The following FBN3 variants were observed in gnomAD, a reference collection of about 807,000 sequenced individuals.
The protein encoded by FBN3 is fibrillin 3, also known as fibrillin-3.
A neutral mutation model predicts 330.1 loss-of-function variants in FBN3; 234 were observed. The observed-to-expected ratio is 0.71, with a 90% CI of 0.64 to 0.79. The LOEUF is 0.79. Among genes scored for constraint, FBN3 ranks in the 30% least tolerant of loss-of-function variants. The pLI is 0.00. For missense variants in FBN3, 3,606 were observed against 3,886.9 expected, an observed-to-expected ratio of 0.93 and a Z score of 1.92; for synonymous variants, 1,458 against 1,517.3, an observed-to-expected ratio of 0.96 and a Z score of 0.91.
intron 48 of FBN3, among the ~76,000 whole-genome samples, chr19:8,090,588 A>G (rs1415382724): frequency 6.6e-6 from 1 of 151,064 alleles, no homozygotes; most frequent in East Asian, 2.0e-4. Context: ...GGTTCGAGTG[A>G]TTCTCCTGCC....
At chr19:8,146,026 G>A (rs2083535502) in intron 4 of FBN3, 88 bp from the exon 5 acceptor site, 2 of 1,485,780 alleles carry the variant, frequency 1.3e-6, no homozygotes, top group African/African-American at 1.4e-5. Flanking sequence ...GGCATGCTCA[G>A]CCCCGCTCCT....
rs201246064 is a variant in FBN3 at position 8,097,398 on chromosome 19, C to G, written c.5178G>C (p.Gly1726=). The change falls in exon 42 of 64, where the codon GGG becomes GGC. Residue 1726 remains glycine (G), a synonymous_variant. Transcript: ENST00000600128. The part of the protein sequence containing the change: ...TGKPLDIDEC[G]EIPAICANGI... ...CATTGGCACAGATGGCGGGGATCTCCCCACACTCATCAATGTCTGCAGAAG... is the reference window on the plus strand; with the variant it reads ...CATTGGCACAGATGGCGGGGATCTCGCCACACTCATCAATGTCTGCAGAAG... The G allele has an allele frequency of 1.3e-6, 2 of 1,597,434 alleles. No individual in the cohort carries two copies. Among genetic ancestry groups the G allele is most frequent in the East Asian group, 2.3e-5 (1 of 44,370 alleles).
At chr19:8,085,133 T>A (rs1380982956) in intron 56 of FBN3, among the ~76,000 whole-genome samples, 1 of 151,660 alleles carries the variant, frequency 6.6e-6, no homozygotes, top group African/African-American at 2.4e-5. Context: ...TACACACACA[T>A]TGGCTCACAC....
chr19:8,121,238 C>T lies in FBN3; in HGVS notation c.3211+20G>A, dbSNP rs1350026816. On this transcript the variant is annotated intron_variant, in intron 25 of 63. Coordinates refer to ENST00000600128, the MANE Select transcript of FBN3 (RefSeq NM_032447.5). This position sits in a 1 kb window ranked among gnomAD's most constrained non-coding sequence, Gnocchi z 4.5. ...CCCTGCCCAGGGCGCCCACCACACC[C>T]CTGCCCGGCAGTCACCGACCCATGC... 1 of 1,577,484 alleles carries T rather than the reference C, an allele frequency of 6.3e-7. No homozygotes were observed. Among genetic ancestry groups the T allele is most frequent in the Middle Eastern group, 1.7e-4 (1 of 5,904 alleles).
intron 56 of FBN3, among the ~76,000 whole-genome samples, chr19:8,084,852 T>TA: frequency 6.6e-6 from 1 of 151,856 alleles, no homozygotes; most frequent in Admixed American, 6.6e-5. Flanking sequence ...CCTCCCAAAG[T>TA]GCTGGGATTA....
At chr19:8,116,542 C>G in intron 29 of FBN3, 132 bp downstream of exon 29, 1 of 962,640 alleles carries the variant, frequency 1.0e-6, no homozygotes, top group Non-Finnish European at 1.6e-6. Flanking sequence ...AAAGCCTCAT[C>G]TTCCTACCTG....
chr19:8,081,520 A>G, intron 57 of FBN3, 40 bp from the exon 58 acceptor site: 1 of 1,557,490 alleles, frequency 6.4e-7, no homozygotes, highest in South Asian at 1.2e-5. Context: ...GGGGTTAGAC[A>G]GACATTCCCT....
At chr19:8,091,636 C>G (rs752334085) in intron 47 of FBN3, 46 bp from the exon 48 acceptor site, 1 of 1,606,124 alleles carries the variant, frequency 6.2e-7, no homozygotes, top group Non-Finnish European at 8.5e-7. Context: ...AGTAGGACCT[C>G]CATCAGTGGG....
chr19:8,133,103 T>G lies in FBN3; in HGVS notation c.1595A>C (p.His532Pro), dbSNP rs2083190160. The G allele has an allele frequency of 1.3e-6, 2 of 1,572,984 alleles. No individual in the cohort carries two copies. Among genetic ancestry groups the G allele is most frequent in the Non-Finnish European group, 1.7e-6 (2 of 1,160,298 alleles). The part of the protein sequence containing the change: ...LSPDGKNCVD[H>P]NECATSTMCV... ...CATGGTGCTGGTGGCACACTCGTTGTGGTCTGGGGACAACAGCAGAGGCTG... is the reference window on the plus strand; with the variant it reads ...CATGGTGCTGGTGGCACACTCGTTGGGGTCTGGGGACAACAGCAGAGGCTG... The change falls in exon 14 of 64, where the codon CAC becomes CCC. Residue 532 changes from histidine (H) to proline (P), a missense_variant. His to Pro is a moderately conservative substitution (Grantham distance 77). Transcript: ENST00000600128.
rs373487679 is a variant in FBN3 at position 8,112,122 on chromosome 19, G to A, written c.3839-23C>T. On this transcript the variant is annotated intron_variant, in intron 30 of 63. Transcript: ENST00000600128. ...CATCTAAAGGGAGAGGAGGCACGAC[G>A]CCAAGACCCAGTCACAGAAGGAAAG... 151 of 1,607,130 alleles carry A rather than the reference G, an allele frequency of 9.4e-5. No individual in the cohort carries two copies. The Admixed American group carries it at 1.9e-3, about 20-fold the overall frequency.
chr19:8,110,404 T>G (rs1415693054), intron 34 of FBN3, among the ~76,000 whole-genome samples: 1 of 152,084 alleles, frequency 6.6e-6, no homozygotes, highest in Non-Finnish European at 1.5e-5. Context: ...GTTAGCAAAT[T>G]CCAACCTGTA....
chr19:8,065,939 C>A lies in FBN3; in HGVS notation c.8410G>T (p.Val2804Leu). 6.3e-7 allele frequency: 1 copy of A among 1,592,004 alleles called. No homozygotes were observed. Reference protein sequence around the residue: ...GPWGQALRLKVQLQLL With the variant: ...GPWGQALRLKLQLQLL ...CCCAACTAAAGCAACTGCAGCTGCACCTTCAGCCTCAAGGCCTGGCCCCAT... is the reference window on the plus strand; with the variant it reads ...CCCAACTAAAGCAACTGCAGCTGCAACTTCAGCCTCAAGGCCTGGCCCCAT... Residue 2804 changes from valine (V) to leucine (L), a missense_variant, in exon 64 of 64, where the codon GTG (valine) becomes TTG (leucine). Coordinates refer to ENST00000600128, the MANE Select transcript of FBN3 (RefSeq NM_032447.5).
chr19:8,074,733 G>A (rs2081599782), intron 61 of FBN3: 1 of 252,806 alleles, frequency 4.0e-6, no homozygotes, highest in Non-Finnish European at 7.6e-6. Flanking sequence ...AGCATCCATA[G>A]CAGACATCAC....
In FBN3 at chr19:8,125,910, A is replaced by G. The variant is rs903831491; in HGVS notation, c.2713T>C (p.Ser905Pro). 6 of 1,612,876 alleles carry G rather than the reference A, an allele frequency of 3.7e-6. No homozygotes were observed. In the Admixed American group the frequency reaches 1.0e-4, roughly 27 times the overall value. The change falls in exon 22 of 64, where the codon TCA (serine) becomes CCA (proline). Residue 905 changes from serine to proline, a missense_variant. Physicochemically the swap from Ser to Pro is moderately conservative, Grantham distance 74 (BLOSUM62 -1). Transcript: ENST00000600128. ...ECPEGLMLDA[S>P]GRLCVDVRLE... is the part of the protein sequence containing the mutation. ...GACTCACCCACGCACAGCCGGCCTG[A>G]GGCGTCCAGCATCAGGCCCTCTGGA...
Position 8,111,147 on chromosome 19 carries a change from T to C in FBN3, c.4121A>G (p.Asp1374Gly), listed in dbSNP as rs2082572567. ...GGGCGCATTGAGGCACTGCCCGTTGTCACAGAGGTCCACGTTCTCGGCACA... is the reference window on the plus strand; with the variant it reads ...GGGCGCATTGAGGCACTGCCCGTTGCCACAGAGGTCCACGTTCTCGGCACA... Reference protein sequence around the residue: ...DECAENVDLCDNGQCLNAPGG... With the variant: ...DECAENVDLCGNGQCLNAPGG... Residue 1374 changes from aspartate (D) to glycine (G), a missense_variant, in exon 33 of 64, where the codon GAC becomes GGC. By Grantham distance (94) the Asp-to-Gly change is moderately conservative. Transcript: ENST00000600128. 2 of 1,612,102 alleles carry C rather than the reference T, an allele frequency of 1.2e-6. No individual in the cohort carries two copies. Among genetic ancestry groups the C allele is most frequent in the Non-Finnish European group, 1.7e-6 (2 of 1,178,920 alleles).
chr19:8,142,378 G>T lies in FBN3; in HGVS notation c.542-241C>A, dbSNP rs914160291. On this transcript the variant is annotated intron_variant, in intron 6 of 63. Coordinates refer to ENST00000600128, the MANE Select transcript of FBN3 (RefSeq NM_032447.5). ...ACTTCCAAGAGACCAGCACCTCCAA[G>T]CCAATAAAGCTCAGGGCCTGTGTGA... Among the ~76,000 whole-genome samples, 24 of 152,138 alleles carry T rather than the reference G, an allele frequency of 1.6e-4. 1 individual carries two copies. The highest frequency in any genetic ancestry group is 5.8e-4 in the African/African-American group (24 of 41,508).
chr19:8,122,676 CT>C (rs1270928514), intron 24 of FBN3, among the ~76,000 whole-genome samples: 8 of 141,252 alleles, frequency 5.7e-5, no homozygotes, highest in East Asian at 4.2e-4. Context: ...CCAGCGCCCC[CT>C]TTTTTTTTTG....
Position 8,146,155 on chromosome 19 carries a change from C to G in FBN3, c.321G>C (p.Thr107=). 3.1e-6 allele frequency: 5 copies of G among 1,601,078 alleles called. No homozygotes were observed. The highest frequency in any genetic ancestry group is 4.3e-6 in the Non-Finnish European group (5 of 1,175,186). ...GGCTCACCCCGCAGCTGGGAGCCAG[C>G]GTCCCATCCGCACAGGTGCACAGGT... The part of the protein sequence containing the change: ...QPNLCTCADG[T]LAPSCGVSRG... The change falls in exon 4 of 64, where the codon ACG becomes ACC. Residue 107 remains threonine, a synonymous_variant. Transcript: ENST00000600128.
Position 8,096,945 on chromosome 19 carries a change from G to T in FBN3, c.5349C>A (p.Ile1783=). 1 of 1,613,808 alleles carries T rather than the reference G, an allele frequency of 6.2e-7. No homozygotes were observed. The highest frequency in any genetic ancestry group is 8.5e-7 in the Non-Finnish European group (1 of 1,180,012). ...PCQQNADCIN[I]PGSYRCKCTR... ...TGCACTTGCAGCGGTAGCTACCGGG[G>T]ATGTTGATGCAGTCAGCATTCTGCT... The change falls in exon 43 of 64, where the codon ATC becomes ATA. Residue 1783 remains isoleucine, a synonymous_variant. Transcript: ENST00000600128. This position sits in a 1 kb window ranked among gnomAD's most constrained non-coding sequence, Gnocchi z 4.6.
Sources: gnomAD v4.1 joint callset for allele counts (sites outside exome capture counted in the v4.1 genomes callset) on GRCh38, gnomAD v4.1.1 for gene constraint, Gnocchi (gnomAD v3.1) non-coding constraint, MANE v1.5 for transcripts, NCBI Gene and HGNC (gene_info 2026-07-23, HGNC 2026-07-21) for gene names.